AP4E1: variants seen among roughly 807,000 people sequenced by gnomAD.
AP4E1 encodes AP-4 complex subunit epsilon-1.
Under a neutral mutation model 128.2 loss-of-function variants are expected in AP4E1, and 56 were observed. The ratio of observed to expected loss-of-function variants is 0.44; its 90% CI spans 0.35 to 0.55. The LOEUF (loss-of-function observed/expected upper bound fraction) is 0.55. AP4E1 is among the 20% of genes least tolerant of loss of function. AP4E1 has a pLI of 0.00. For missense variants in AP4E1, 1,324 were observed against 1,307.7 expected (o/e 1.01, Z -0.19); for synonymous variants, 484 against 473.1 (o/e 1.02, Z -0.30).
intron 3 of AP4E1, among the ~76,000 whole-genome samples, chr15:50,921,126 T>C (rs1044171592): frequency 2.0e-5 from 3 of 146,438 alleles, no homozygotes; most frequent in Non-Finnish European, 4.5e-5. Context: ...ATTTTTTTTA[T>C]GAGTATCATT....
chr15:50,914,357 A>G (rs1052800068), intron 2 of AP4E1, among the ~76,000 whole-genome samples: 1 of 152,170 alleles, frequency 6.6e-6, no homozygotes, highest in Non-Finnish European at 1.5e-5. Context: ...GACATATTAA[A>G]ATAGTCTATG....
At chr15:50,934,351 T>C (rs2063877742) in intron 7 of AP4E1, among the ~76,000 whole-genome samples, 1 of 152,018 alleles carries the variant, frequency 6.6e-6, no homozygotes, top group Admixed American at 6.5e-5. Flanking sequence ...TTCAACCAAA[T>C]AAAAACTTGG....
At chr15:50,936,758 AC>A (rs2063912954) in intron 8 of AP4E1, among the ~76,000 whole-genome samples, 1 of 151,940 alleles carries the variant, frequency 6.6e-6, no homozygotes, top group South Asian at 2.1e-4. Context: ...ATATGGTGAA[AC>A]CCTGTCTCTA....
chr15:50,934,717 A>G lies in AP4E1; in HGVS notation c.943+20A>G, dbSNP rs1250065189. On this transcript the variant is annotated intron_variant, in intron 8 of 20. Coordinates refer to ENST00000261842, the MANE Select transcript of AP4E1 (RefSeq NM_007347.5). ...CATATGGTAGGTAATATATGTAAAT[A>G]TTACTCTAATGACTAATAATGTTTT... 3 of 1,485,276 alleles carry G rather than the reference A, an allele frequency of 2.0e-6. No individual in the cohort carries two copies. Among genetic ancestry groups the G allele is most frequent in the Admixed American group, 1.7e-5 (1 of 59,674 alleles). 92.0% of individuals were successfully genotyped at this position (1,485,276 alleles called of 1,614,324 possible). A position where few individuals can be genotyped will look rare whatever the true frequency, so the allele number is the denominator to read the frequency against.
chr15:50,983,525 A>G (rs538721036), intron 15 of AP4E1, among the ~76,000 whole-genome samples: 1 of 152,276 alleles, frequency 6.6e-6, no homozygotes, highest in South Asian at 2.1e-4. Flanking sequence ...CTTGGCTCTT[A>G]TTGAATTAAT....
At chr15:50,968,168 A>T (rs1369037193) in intron 14 of AP4E1, 95 bp from the exon 15 acceptor site, 23 of 890,810 alleles carry the variant, frequency 2.6e-5, no homozygotes, top group Non-Finnish European at 3.8e-5. Flanking sequence ...TTAGAATTTT[A>T]AAAAATATAT....
chr15:50,924,037 A>T, intron 4 of AP4E1, 33 bp downstream of exon 4: 4 of 1,536,686 alleles, frequency 2.6e-6, no homozygotes. Flanking sequence ...ATATGAAGTC[A>T]TAATTCTTGT....
At chr15:50,963,218 AAAC>A (rs961675613) in intron 14 of AP4E1, among the ~76,000 whole-genome samples, 135 of 152,328 alleles carry the variant, frequency 8.9e-4, no homozygotes, top group African/African-American at 3.2e-3. Flanking sequence ...GTTTCAAAAA[AAAC>A]AACCCAGCAA....
At chr15:50,952,720 T>A (rs2064168744) in intron 13 of AP4E1, among the ~76,000 whole-genome samples, 1 of 150,682 alleles carries the variant, frequency 6.6e-6, no homozygotes, top group Non-Finnish European at 1.5e-5. Flanking sequence ...TTTCTTTTGG[T>A]TTTTATGACT....
intron 8 of AP4E1, among the ~76,000 whole-genome samples, chr15:50,940,254 TG>T (rs1363931302): frequency 6.6e-6 from 1 of 152,228 alleles, no homozygotes; most frequent in Admixed American, 6.5e-5. Context: ...CAACTTACTC[TG>T]TAGTTTTCAT....
chr15:50,913,581 C>T (rs1253371746), intron 2 of AP4E1, among the ~76,000 whole-genome samples: 1 of 152,162 alleles, frequency 6.6e-6, no homozygotes, highest in Non-Finnish European at 1.5e-5. Context: ...AGAATTCTTG[C>T]ATTGGGGAAT....
chr15:50,987,307 C>T (rs1186292991), intron 16 of AP4E1, among the ~76,000 whole-genome samples: 4 of 152,052 alleles, frequency 2.6e-5, no homozygotes, highest in Admixed American at 6.6e-5. Flanking sequence ...TTTCCTTCAG[C>T]TCTGCTCTGA....
chr15:50,991,959 G>A (rs1444803769), intron 16 of AP4E1, among the ~76,000 whole-genome samples: 1 of 138,898 alleles, frequency 7.2e-6, no homozygotes, highest in Non-Finnish European at 1.5e-5. Context: ...AGGACACATA[G>A]TTCTTTTTTT....
At chr15:50,971,549 C>A (rs920382954) in intron 15 of AP4E1, among the ~76,000 whole-genome samples, 1 of 152,100 alleles carries the variant, frequency 6.6e-6, no homozygotes, top group Non-Finnish European at 1.5e-5. Flanking sequence ...ATCTTCCCTT[C>A]TCTTCTCCTT....
intron 13 of AP4E1, among the ~76,000 whole-genome samples, chr15:50,953,448 T>G (rs1311181559): frequency 1.3e-5 from 2 of 152,234 alleles, no homozygotes; most frequent in African/African-American, 4.8e-5. Context: ...TTAAATTATG[T>G]GCTGTCCTGA....
intron 2 of AP4E1, 44 bp from the exon 3 acceptor site, chr15:50,915,404 A>T (rs1323715557): frequency 6.9e-6 from 11 of 1,584,796 alleles, no homozygotes; most frequent in Non-Finnish European, 9.5e-6. Flanking sequence ...AACAATCTAA[A>T]TATTCTGTTT....
chr15:50,914,650 CAAA>C (rs60591318), intron 2 of AP4E1, among the ~76,000 whole-genome samples: 3,114 of 93,694 alleles, frequency 0.033, 27 homozygotes, highest in Non-Finnish European at 0.048. Context: ...GACTCTGTCT[CAAA>C]AAAAAAAAAA....
chr15:50,907,719 G>A (rs1454846509), upstream of AP4E1, among the ~76,000 whole-genome samples: 3 of 152,156 alleles, frequency 2.0e-5, no homozygotes, highest in East Asian at 5.8e-4. Flanking sequence ...ATTTCCAACA[G>A]AATGAGGGTA....
At chr15:50,968,525 CA>C (rs1158828092) in intron 15 of AP4E1, 148 bp downstream of exon 15, 1 of 717,272 alleles carries the variant, frequency 1.4e-6, no homozygotes, top group Non-Finnish European at 2.3e-6. Flanking sequence ...ACTAGGTTTT[CA>C]GATATCCAGA....
Sources: allele counts gnomAD v4.1 joint callset (sites outside exome capture counted in the v4.1 genomes callset), GRCh38; gene constraint gnomAD v4.1.1; transcripts MANE v1.5; gene names NCBI Gene and HGNC (gene_info 2026-07-23, HGNC 2026-07-21).